Variants in HS3ST5 observed in about 807,000 individuals in gnomAD.
The protein encoded by HS3ST5 is heparan sulfate glucosamine 3-O-sulfotransferase 5.
A neutral mutation model predicts 25.4 loss-of-function variants in HS3ST5; 10 were observed. That is an observed-to-expected ratio of 0.39 (90% CI 0.24 to 0.67). The LOEUF (loss-of-function observed/expected upper bound fraction) is 0.67, where lower values mean the gene tolerates loss of function less well. Among genes scored for constraint, HS3ST5 ranks in the 30% least tolerant of loss-of-function variants. HS3ST5 has a pLI of 0.44. For synonymous variants in HS3ST5, 170 were observed against 162.4 expected (o/e 1.05, Z -0.36); for missense variants, 324 against 420.7 (o/e 0.77, Z 2.01).
intron 1 of HS3ST5, among the ~76,000 whole-genome samples, chr6:114,259,341 T>G (rs1056494362): frequency 1.3e-5 from 2 of 152,216 alleles, no homozygotes; most frequent in Non-Finnish European, 2.9e-5. Context: ...ATATAATAAA[T>G]TAAATTAAAT....
intron 1 of HS3ST5, among the ~76,000 whole-genome samples, chr6:114,268,949 T>A (rs572998862): frequency 2.6e-5 from 4 of 152,282 alleles, no homozygotes; most frequent in Admixed American, 2.0e-4. Flanking sequence ...ATGCTAGCTC[T>A]CCAATATCTC....
chr6:114,140,569 C>G (rs560750173), intron 3 of HS3ST5, among the ~76,000 whole-genome samples: 1 of 152,114 alleles, frequency 6.6e-6, no homozygotes, highest in Non-Finnish European at 1.5e-5. Flanking sequence ...TAAATAAAGG[C>G]TTAGAAAGCA....
chr6:114,182,661 A>G (rs1214441209), intron 2 of HS3ST5, among the ~76,000 whole-genome samples: 3 of 152,198 alleles, frequency 2.0e-5, no homozygotes, highest in Admixed American at 6.5e-5. Context: ...AGGTTATCCC[A>G]GGTGAATATT....
At chr6:114,267,666 T>C (rs145858188) in intron 1 of HS3ST5, among the ~76,000 whole-genome samples, 93 of 152,300 alleles carry the variant, frequency 6.1e-4, no homozygotes, top group African/African-American at 2.0e-3. Context: ...AGGGAACAAG[T>C]AGAACCAACC....
At position 114,064,362 on chromosome 6, in the gene HS3ST5, A is replaced by T. The variant is rs549271671; in HGVS notation, c.-32-1485T>A. Among the ~76,000 whole-genome samples, 14 of 152,352 alleles carry T rather than the reference A, an allele frequency of 9.2e-5. No homozygotes were observed. The South Asian group carries it at 2.9e-3, about 32-fold the overall frequency. Reference sequence around the variant, plus strand: ...AAGAGTTTTATTCCTTAGAAAACTGATAATGTGATTAGGGAATCATGAAAT... The same window carrying T: ...AAGAGTTTTATTCCTTAGAAAACTGTTAATGTGATTAGGGAATCATGAAAT... On this transcript the variant is annotated intron_variant, in intron 3 of 4. Transcript: ENST00000312719.
At chr6:114,230,347 G>A (rs1282797877) in intron 1 of HS3ST5, 1 of 151,968 alleles carries the variant, frequency 6.6e-6, no homozygotes, top group Non-Finnish European at 1.5e-5. Flanking sequence ...CAAAATCTCA[G>A]TAAGAGACTT....
rs139713826 is a variant in HS3ST5 at position 114,080,999 on chromosome 6, T to C, written c.-32-18122A>G. Among the ~76,000 whole-genome samples, 3 of 152,292 alleles carry C rather than the reference T, an allele frequency of 2.0e-5. No homozygotes were observed. The East Asian group carries it at 5.8e-4, about 29-fold the overall frequency. Reference sequence around the variant, plus strand: ...GATGTGTGACTCTATCTTGAACACTTAGAGGCCATTGTAGGACTATTAACT... The same window carrying C: ...GATGTGTGACTCTATCTTGAACACTCAGAGGCCATTGTAGGACTATTAACT... On this transcript the variant is annotated intron_variant, in intron 3 of 4. Transcript: ENST00000312719.
intron 1 of HS3ST5, among the ~76,000 whole-genome samples, chr6:114,270,264 TAATTA>T (rs1237425015): frequency 1.3e-5 from 2 of 152,182 alleles, no homozygotes; most frequent in African/African-American, 4.8e-5. Flanking sequence ...ATAAGTAATT[TAATTA>T]GTCTATTGCA....
intron 3 of HS3ST5, among the ~76,000 whole-genome samples, chr6:114,157,188 C>A (rs1778740598): frequency 6.6e-6 from 1 of 152,110 alleles, no homozygotes; most frequent in Admixed American, 6.5e-5. Flanking sequence ...GTGATACTTT[C>A]TACTTTCTAC....
At chr6:114,224,687 CAT>C (rs796114598) in intron 2 of HS3ST5, among the ~76,000 whole-genome samples, 75 of 146,982 alleles carry the variant, frequency 5.1e-4, no homozygotes, top group East Asian at 1.6e-3. Context: ...TATATATATA[CAT>C]ATATATATAT....
intron 3 of HS3ST5, among the ~76,000 whole-genome samples, chr6:114,124,463 C>T (rs1776940806): frequency 6.6e-6 from 1 of 152,216 alleles, no homozygotes. Context: ...CGCCCAACCA[C>T]ATATGTGACT....
intron 1 of HS3ST5, among the ~76,000 whole-genome samples, chr6:114,321,802 T>C (rs112382336): frequency 1.2e-4 from 19 of 152,118 alleles, no homozygotes; most frequent in African/African-American, 3.6e-4. Context: ...TGACTGTTTA[T>C]CTGATTTTTG....
chr6:114,062,024 G>A (rs1406951389), intron 4 of HS3ST5, among the ~76,000 whole-genome samples: 1 of 152,122 alleles, frequency 6.6e-6, no homozygotes, highest in Non-Finnish European at 1.5e-5. Context: ...TTGCCCATTA[G>A]ACTAGACATA....
At chr6:114,325,992 A>G (rs546010489) in intron 1 of HS3ST5, among the ~76,000 whole-genome samples, 14 of 152,208 alleles carry the variant, frequency 9.2e-5, no homozygotes, top group Non-Finnish European at 2.1e-4. Context: ...ATTCTTGTTG[A>G]TGAGAGGGGA....
chr6:114,262,677 T>G, intron 1 of HS3ST5, among the ~76,000 whole-genome samples: 1 of 152,282 alleles, frequency 6.6e-6, no homozygotes, highest in East Asian at 1.9e-4. Flanking sequence ...ATATTATACA[T>G]ATATTTACCT....
At chr6:114,278,091 C>T (rs1231855659) in intron 1 of HS3ST5, among the ~76,000 whole-genome samples, 1 of 151,960 alleles carries the variant, frequency 6.6e-6, no homozygotes, top group East Asian at 1.9e-4. Flanking sequence ...TCATGACTGA[C>T]AGCTGCTTCC....
chr6:114,064,791 A>G (rs1412047950), intron 3 of HS3ST5, among the ~76,000 whole-genome samples: 1 of 152,198 alleles, frequency 6.6e-6, no homozygotes, highest in African/African-American at 2.4e-5. Context: ...AGTGAGAAAG[A>G]GTAATAGGAG....
chr6:114,290,708 C>A (rs1398714783), intron 1 of HS3ST5, among the ~76,000 whole-genome samples: 2 of 152,030 alleles, frequency 1.3e-5, no homozygotes, highest in Admixed American at 6.6e-5. Context: ...ATTGGGAACA[C>A]ATTTTTTATT....
At chr6:114,142,517 G>A (rs1237173139) in intron 3 of HS3ST5, among the ~76,000 whole-genome samples, 8 of 152,066 alleles carry the variant, frequency 5.3e-5, no homozygotes, top group Non-Finnish European at 8.8e-5. Context: ...GGTGGGTGAG[G>A]ATAACACAAG....
Sources: gnomAD v4.1 joint callset for allele counts (sites outside exome capture counted in the v4.1 genomes callset) on GRCh38, gnomAD v4.1.1 for gene constraint, MANE v1.5 for transcripts, NCBI Gene and HGNC (gene_info 2026-07-23, HGNC 2026-07-21) for gene names.